The following EYA4 variants were observed in gnomAD, a reference collection of about 807,000 sequenced individuals.
EYA4 encodes the protein EYA transcriptional coactivator and phosphatase 4.
Under a neutral mutation model 87.9 loss-of-function variants are expected in EYA4, and 31 were observed. That is an observed-to-expected ratio of 0.35 (90% CI 0.27 to 0.48). EYA4 has a LOEUF of 0.48. EYA4 is among the 20% of genes least tolerant of loss of function. EYA4 has a pLI of 0.99. For synonymous variants in EYA4, 263 were observed against 270.6 expected (o/e 0.97, Z 0.28); for missense variants, 678 against 761.4 (o/e 0.89, Z 1.29).
chr6:133,428,045 G>A (rs1341180408), intron 3 of EYA4, among the ~76,000 whole-genome samples: 1 of 152,156 alleles, frequency 6.6e-6, no homozygotes, highest in Non-Finnish European at 1.5e-5. Context: ...ACACTCCAGT[G>A]TTCTGATTTG....
chr6:133,376,662 T>C (rs1318825476), intron 2 of EYA4, among the ~76,000 whole-genome samples: 1 of 151,938 alleles, frequency 6.6e-6, no homozygotes, highest in Non-Finnish European at 1.5e-5. Flanking sequence ...GATTGTGAGC[T>C]TCTCAAAGCA....
chr6:133,284,847 G>T (rs1031561224), intron 2 of EYA4, among the ~76,000 whole-genome samples: 9 of 152,140 alleles, frequency 5.9e-5, no homozygotes, highest in Admixed American at 5.9e-4. Flanking sequence ...TTATATTCTT[G>T]TGGAGGGGGA....
intron 2 of EYA4, among the ~76,000 whole-genome samples, chr6:133,299,957 A>ATCTATC (rs1410723243): frequency 5.0e-4 from 54 of 107,504 alleles, no homozygotes; most frequent in African/African-American, 1.6e-3. Flanking sequence ...CTATCTATCT[A>ATCTATC]TATATATATA....
chr6:133,425,695 AG>A (rs1790610234), intron 3 of EYA4, among the ~76,000 whole-genome samples: 1 of 150,618 alleles, frequency 6.6e-6, no homozygotes, highest in Admixed American at 6.6e-5. Flanking sequence ...TGACTGCTTT[AG>A]TTTAGCTCTA....
At chr6:133,445,587 T>C (rs1792740968) in intron 3 of EYA4, among the ~76,000 whole-genome samples, 1 of 151,676 alleles carries the variant, frequency 6.6e-6, no homozygotes, top group Non-Finnish European at 1.5e-5. Context: ...CTTTTTTTTT[T>C]TTTTCTTTTG....
chr6:133,257,076 C>G (rs1185527332), intron 1 of EYA4, among the ~76,000 whole-genome samples: 1 of 152,096 alleles, frequency 6.6e-6, no homozygotes, highest in Non-Finnish European at 1.5e-5. Flanking sequence ...AACTCTCTTG[C>G]TAACTTAAGT....
intron 3 of EYA4, among the ~76,000 whole-genome samples, chr6:133,392,960 G>A (rs1410706692): frequency 6.6e-6 from 1 of 152,200 alleles, no homozygotes; most frequent in Admixed American, 6.5e-5. Flanking sequence ...AATTCCTCAT[G>A]TAAAGCAGCA....
At chr6:133,275,223 T>C (rs1260562385) in intron 2 of EYA4, among the ~76,000 whole-genome samples, 2 of 152,202 alleles carry the variant, frequency 1.3e-5, no homozygotes, top group Non-Finnish European at 2.9e-5. Flanking sequence ...AAAGAAACCA[T>C]AGTTCTCAAG....
At chr6:133,526,332 A>G (rs1015099460) in intron 19 of EYA4, among the ~76,000 whole-genome samples, 9 of 152,168 alleles carry the variant, frequency 5.9e-5, no homozygotes, top group African/African-American at 2.2e-4. Context: ...GAGATTTTAA[A>G]TCATCATCTA....
At position 133,513,058 on chromosome 6, in the gene EYA4, T is replaced by C. The variant is rs764937064; in HGVS notation, c.1501+20T>C. Reference sequence around the variant, plus strand: ...TTGGAGGTATGTGTGGCTTTTTCAATCTAACAAAGGTACTCTGGGTATAGG... The same window carrying C: ...TTGGAGGTATGTGTGGCTTTTTCAACCTAACAAAGGTACTCTGGGTATAGG... On this transcript the variant is annotated intron_variant, in intron 16 of 19. Transcript: ENST00000355286. 3.7e-6 allele frequency: 6 copies of C among 1,608,202 alleles called. No homozygotes were observed. In the South Asian group the frequency reaches 6.6e-5, roughly 18 times the overall value.
chr6:133,448,750 A>G (rs1324042054), intron 5 of EYA4, among the ~76,000 whole-genome samples: 4 of 152,192 alleles, frequency 2.6e-5, no homozygotes, highest in Non-Finnish European at 5.9e-5. Context: ...TTTTTGAACT[A>G]TGGATATTAA....
rs114224913 is a variant in EYA4 at position 133,393,684 on chromosome 6, T to C, written c.83+11243T>C. ...CTACTATTTCTAGTCTTTTCCACAT[T>C]TTGGAAATATTTACTTGTAATTTCA... is the stretch of plus-strand genomic sequence containing the variant. On this transcript the variant is annotated intron_variant, in intron 3 of 19. Transcript: ENST00000355286. Among the ~76,000 whole-genome samples, 1,264 of 152,332 alleles carry C rather than the reference T, an allele frequency of 8.3e-3. 21 individuals are homozygous for C. Among genetic ancestry groups the C allele is most frequent in the African/African-American group, 0.028 (1,179 of 41,576 alleles).
At chr6:133,271,904 C>A (rs1336248178) in intron 1 of EYA4, among the ~76,000 whole-genome samples, 1 of 152,174 alleles carries the variant, frequency 6.6e-6, no homozygotes, top group African/African-American at 2.4e-5. Context: ...ATACAAATAC[C>A]TTCCTGGTTT....
chr6:133,461,810 CTTTTTTT>C (rs11450141), intron 7 of EYA4, among the ~76,000 whole-genome samples: 1 of 129,932 alleles, frequency 7.7e-6, no homozygotes, highest in African/African-American at 2.9e-5. Flanking sequence ...AATGATGTTC[CTTTTTTT>C]TTTTTTTTTT....
intron 3 of EYA4, among the ~76,000 whole-genome samples, chr6:133,418,805 A>G (rs1045800458): frequency 6.6e-6 from 1 of 152,130 alleles, no homozygotes; most frequent in Non-Finnish European, 1.5e-5. Flanking sequence ...TCAGTTTAGA[A>G]TACTGTATAT....
Position 133,241,507 on chromosome 6 carries a change from T to C in EYA4, c.-308T>C, listed in dbSNP as rs1354891039. ...TTTCCCCCCTGTCGCAGTCCGGAGT[T>C]TTGGCTCCTCTCCTTTCCTCCTCCC... On this transcript the variant is annotated 5_prime_UTR_variant, in exon 1 of 20. Coordinates refer to ENST00000355286, the MANE Select transcript of EYA4 (RefSeq NM_004100.5). 2.6e-5 allele frequency: 4 copies of C among 152,080 alleles called. No individual in the cohort carries two copies. The East Asian group carries it at 7.8e-4, about 30-fold the overall frequency. The allele number at this position is 152,080 out of a possible 1,614,324, so 9.4% of individuals were successfully genotyped here.
At chr6:133,473,874 G>T (rs73544961) in intron 11 of EYA4, among the ~76,000 whole-genome samples, 7,140 of 151,942 alleles carry the variant, frequency 0.047, 523 homozygotes, top group African/African-American at 0.15. Context: ...TGCCCTAGGC[G>T]CCTTACTCAT....
chr6:133,292,543 G>C (rs889614565), intron 2 of EYA4, among the ~76,000 whole-genome samples: 3 of 152,224 alleles, frequency 2.0e-5, no homozygotes, highest in South Asian at 2.1e-4. Flanking sequence ...GATTTTAAAC[G>C]GGAAGTTGCT....
chr6:133,530,405 G>A lies in EYA4; in HGVS notation c.*1600G>A, dbSNP rs998755605. The A allele has an allele frequency of 3.3e-5, 33 of 985,164 alleles. No homozygotes were observed. In the Admixed American group the frequency reaches 1.0e-3, roughly 31 times the overall value. 61.0% of individuals were successfully genotyped at this position (985,164 alleles called of 1,614,324 possible). A position where few individuals can be genotyped will look rare whatever the true frequency, so the allele number is the denominator to read the frequency against. On this transcript the variant is annotated 3_prime_UTR_variant, in exon 20 of 20. Coordinates refer to ENST00000355286, the MANE Select transcript of EYA4 (RefSeq NM_004100.5). Reference sequence around the variant, plus strand: ...GTTCTCCTCTTATTTCCTATGACACGATTTCCCTTGTGGAAATTTAAGACT... The same window carrying A: ...GTTCTCCTCTTATTTCCTATGACACAATTTCCCTTGTGGAAATTTAAGACT...
Sources: gnomAD v4.1 joint callset for allele counts (sites outside exome capture counted in the v4.1 genomes callset) on GRCh38, gnomAD v4.1.1 for gene constraint, MANE v1.5 for transcripts, NCBI Gene and HGNC (gene_info 2026-07-23, HGNC 2026-07-21) for gene names.